ATP2C1: variants seen among roughly 807,000 people sequenced by gnomAD.
ATP2C1 encodes ATPase secretory pathway Ca2+ transporting 1.
In ATP2C1, 31 loss-of-function variants were observed where a neutral mutation model predicts 120.5. The observed-to-expected ratio is 0.26, with a 90% confidence interval of 0.19 to 0.35. The LOEUF is 0.35. Among genes scored for constraint, ATP2C1 ranks in the 10% least tolerant of loss-of-function variants. The pLI, the probability that ATP2C1 is intolerant of heterozygous loss-of-function variation, is 1.00. For missense variants in ATP2C1, 731 were observed against 1,107.5 expected (o/e 0.66, Z 4.83); for synonymous variants, 351 against 358.7 (o/e 0.98, Z 0.24).
Position 130,927,467 on chromosome 3 carries a change from T to G in ATP2C1, c.7-2949T>G, listed in dbSNP as rs148281625. Among the ~76,000 whole-genome samples the G allele has an allele frequency of 9.8e-3, 1,490 of 152,234 alleles. 34 individuals are homozygous for G. The highest frequency in any genetic ancestry group is 0.033 in the African/African-American group (1,363 of 41,542). On this transcript the variant is annotated intron_variant, in intron 2 of 27. Transcript: ENST00000510168. The stretch of plus-strand genomic sequence containing the variant: ...TATGTTAGCCAGGATGGTCTCGATC[T>G]CCTGACCTTGTGAACCGCCCGCTTC...
intron 1 of ATP2C1, among the ~76,000 whole-genome samples, chr3:130,867,703 G>A (rs1236991008): frequency 8.1e-5 from 12 of 148,228 alleles, no homozygotes; most frequent in African/African-American, 2.0e-4. Flanking sequence ...GCCTCTGCCC[G>A]GCCGCCACCC....
At chr3:131,003,259 C>T, downstream of ATP2C1, 1 of 711,640 alleles carries the variant, frequency 1.4e-6, no homozygotes, top group Non-Finnish European at 1.7e-6. Flanking sequence ...TACACAGAAT[C>T]TATGATTTAA....
chr3:130,986,810 G>C (rs2062032548), intron 20 of ATP2C1, among the ~76,000 whole-genome samples: 1 of 151,438 alleles, frequency 6.6e-6, no homozygotes, highest in Non-Finnish European at 1.5e-5. Context: ...ACTTCATTTT[G>C]TGTTCATGTG....
intron 16 of ATP2C1, among the ~76,000 whole-genome samples, chr3:130,968,119 GTTA>G (rs1464116134): frequency 1.3e-5 from 2 of 152,104 alleles, no homozygotes; most frequent in African/African-American, 2.4e-5. Flanking sequence ...AGAATTACAG[GTTA>G]TTATAACATA....
intron 2 of ATP2C1, among the ~76,000 whole-genome samples, chr3:130,897,460 T>C (rs1335854749): frequency 6.6e-6 from 1 of 152,210 alleles, no homozygotes; most frequent in Non-Finnish European, 1.5e-5. Context: ...GCCAGAGCAA[T>C]GTTTGACATA....
chr3:130,971,692 A>T (rs2108700029), intron 17 of ATP2C1, among the ~76,000 whole-genome samples: 1 of 152,314 alleles, frequency 6.6e-6, no homozygotes, highest in East Asian at 1.9e-4. Flanking sequence ...TAGTAGAGAA[A>T]TTTGAAATTC....
At chr3:130,966,507 T>C (rs1184752910) in intron 14 of ATP2C1, among the ~76,000 whole-genome samples, 1 of 152,132 alleles carries the variant, frequency 6.6e-6, no homozygotes, top group Non-Finnish European at 1.5e-5. Context: ...GTGATTCTCC[T>C]GTCCCAGCCT....
In ATP2C1 at chr3:130,955,146, A is replaced by G; in HGVS notation, c.756+66A>G. ...TGAAATTCTTCATTGTAAGTAGAGA[A>G]TGTTGGATTATTTTATATACTATTG... is the stretch of plus-strand genomic sequence containing the variant. On this transcript the variant is annotated intron_variant, in intron 10 of 27. Coordinates refer to ENST00000510168, the MANE Select transcript of ATP2C1 (RefSeq NM_001378687.1). 3 of 1,093,304 alleles carry G rather than the reference A, an allele frequency of 2.7e-6. No individual in the cohort carries two copies. The South Asian group carries it at 3.8e-5, about 14-fold the overall frequency. 67.7% of individuals were successfully genotyped at this position (1,093,304 alleles called of 1,614,324 possible).
chr3:130,941,265 T>TGCGCGCACGCG lies in ATP2C1; in HGVS notation c.423-326_423-325insGCGCGCACGCG, dbSNP rs2059902730. Among the ~76,000 whole-genome samples, 4 of 139,954 alleles carry TGCGCGCACGCG rather than the reference T, an allele frequency of 2.9e-5. 1 individual carries two copies. The highest frequency in any genetic ancestry group is 2.0e-4 in the East Asian group (1 of 4,892). 91.8% of individuals were successfully genotyped at this position (139,954 alleles called of 152,430 possible). A position where few individuals can be genotyped will look rare whatever the true frequency, so the allele number is the denominator to read the frequency against. On this transcript the variant is annotated intron_variant, in intron 7 of 27. Coordinates refer to ENST00000510168, the MANE Select transcript of ATP2C1 (RefSeq NM_001378687.1). Reference sequence around the variant, plus strand: ...GTGTGTGTGTGTGTGTGTGTGTGTGTCTGTGTGTGTGCGCGCACGCGCGCA... The same window carrying TGCGCGCACGCG: ...GTGTGTGTGTGTGTGTGTGTGTGTGTGCGCGCACGCGCTGTGTGTGTGCGCGCACGCGCGCA...
At chr3:130,946,255 C>T (rs2685174) in intron 8 of ATP2C1, among the ~76,000 whole-genome samples, 26,815 of 152,182 alleles carry the variant, frequency 0.18, 2,528 homozygotes, top group Middle Eastern at 0.24. Context: ...GGGCCAAGCT[C>T]AGGAATTCAA....
At chr3:130,968,655 A>G (rs1443782432) in intron 16 of ATP2C1, among the ~76,000 whole-genome samples, 1 of 152,222 alleles carries the variant, frequency 6.6e-6, no homozygotes, top group African/African-American at 2.4e-5. Context: ...GGGTTTCTGG[A>G]GAACCTTTAA....
At position 130,975,351 on chromosome 3, in the gene ATP2C1, T is replaced by C; in HGVS notation, c.1433T>C (p.Phe478Ser). Residue 478 changes from phenylalanine to serine, a missense_variant, in exon 18 of 28, where the codon TTT becomes TCT. By Grantham distance (155) the Phe-to-Ser change is radical. Coordinates refer to ENST00000510168, the MANE Select transcript of ATP2C1 (RefSeq NM_001378687.1). ...TCTTAGGACAGACCAGAGATTTGTT[T>C]TATGAAAGGTGCTTACGAACAAGTA... ...RTQQDRPEIC[F>S]MKGAYEQVIK... 6.2e-7 allele frequency: 1 copy of C among 1,613,800 alleles called. No homozygotes were observed. Among genetic ancestry groups the C allele is most frequent in the Non-Finnish European group, 8.5e-7 (1 of 1,179,784 alleles).
intron 4 of ATP2C1, among the ~76,000 whole-genome samples, 156 bp downstream of exon 4, chr3:130,932,294 A>G (rs572004356): frequency 5.3e-5 from 8 of 152,208 alleles, no homozygotes; most frequent in South Asian, 4.1e-4. Context: ...GCTTACTGTT[A>G]GGTTGGAATT....
At chr3:130,986,839 T>G (rs1418068136) in intron 20 of ATP2C1, among the ~76,000 whole-genome samples, 8 of 151,700 alleles carry the variant, frequency 5.3e-5, no homozygotes. Flanking sequence ...ATAGCCAATA[T>G]GTTTATTTGG....
intron 2 of ATP2C1, among the ~76,000 whole-genome samples, chr3:130,902,305 T>G (rs1389797041): frequency 1.3e-4 from 19 of 143,394 alleles, no homozygotes; most frequent in South Asian, 4.5e-4. Flanking sequence ...TTGTTTTTTT[T>G]TTTTTTTTTT....
intron 27 of ATP2C1, among the ~76,000 whole-genome samples, chr3:131,000,029 T>C (rs2062812637): frequency 6.6e-6 from 1 of 152,202 alleles, no homozygotes; most frequent in Non-Finnish European, 1.5e-5. Context: ...AAAGTTAGAA[T>C]TTTCAGTAAA....
intron 17 of ATP2C1, among the ~76,000 whole-genome samples, chr3:130,972,616 C>T (rs913794644): frequency 9.4e-6 from 1 of 106,144 alleles, no homozygotes; most frequent in Admixed American, 1.1e-4. Context: ...AATGCTATCC[C>T]TCCCCCTCCC....
intron 10 of ATP2C1, 40 bp downstream of exon 10, chr3:130,955,120 C>T (rs2060523220): frequency 7.5e-7 from 1 of 1,340,552 alleles, no homozygotes; most frequent in African/African-American, 1.4e-5. Flanking sequence ...TGTTCCAAAT[C>T]TGAAATTCTT....
intron 23 of ATP2C1, 107 bp downstream of exon 23, chr3:130,996,218 T>C (rs567902225): frequency 8.1e-6 from 7 of 861,602 alleles, no homozygotes; most frequent in Admixed American, 1.9e-5. Context: ...TTTGTGAGCA[T>C]TGTTCATATG....
Sources: gnomAD v4.1 joint callset for allele counts (sites outside exome capture counted in the v4.1 genomes callset) on GRCh38, gnomAD v4.1.1 for gene constraint, MANE v1.5 for transcripts, NCBI Gene and HGNC (gene_info 2026-07-23, HGNC 2026-07-21) for gene names.